Variants in PITRM1 observed in about 807,000 individuals in gnomAD.
The protein encoded by PITRM1 is pitrilysin metallopeptidase 1.
Under a neutral mutation model 129.9 loss-of-function variants are expected in PITRM1, and 100 were observed. The ratio of observed to expected loss-of-function variants is 0.77; its 90% CI spans 0.65 to 0.91. The LOEUF (loss-of-function observed/expected upper bound fraction) is 0.91, where lower values mean the gene tolerates loss of function less well. Ranked by LOEUF, PITRM1 falls within the 40% of genes least tolerant of loss-of-function variation. The pLI, the probability that PITRM1 is intolerant of heterozygous loss-of-function variation, is 0.00. For synonymous variants in PITRM1, 591 were observed against 508.8 expected (o/e 1.16, Z -2.17); for missense variants, 1,471 against 1,318.3 (o/e 1.12, Z -1.79).
chr10:3,145,997 A>G (rs1189029488), intron 20 of PITRM1: 4 of 401,362 alleles, frequency 1.0e-5, no homozygotes, highest in Non-Finnish European at 1.8e-5. Context: ...AAGAAAATAC[A>G]GAGACTATTA....
Position 3,170,084 on chromosome 10 carries a change from G to T in PITRM1, c.159+20C>A. 6.4e-7 allele frequency: 1 copy of T among 1,552,350 alleles called. No homozygotes were observed. The highest frequency in any genetic ancestry group is 1.1e-5 in the South Asian group (1 of 89,854). ...GCAATGTATGTGGATTTATAAGGAGGTGCCGAGGACGACCCATACCTGGTT... is the reference window on the plus strand; with the variant it reads ...GCAATGTATGTGGATTTATAAGGAGTTGCCGAGGACGACCCATACCTGGTT... On this transcript the variant is annotated intron_variant, in intron 2 of 26. Transcript: ENST00000224949.
At chr10:3,169,347 C>A (rs1186801104) in intron 2 of PITRM1, among the ~76,000 whole-genome samples, 1 of 152,160 alleles carries the variant, frequency 6.6e-6, no homozygotes, top group African/African-American at 2.4e-5. Context: ...CTCACACCAC[C>A]CTCTCCAGGA....
At chr10:3,140,609 G>A in intron 24 of PITRM1, 78 bp downstream of exon 24, 11 of 1,354,832 alleles carry the variant, frequency 8.1e-6, no homozygotes, top group Non-Finnish European at 1.1e-5. Flanking sequence ...TGCAGTAGAA[G>A]AAAATGACAC....
At chr10:3,141,637 GCAGA>G (rs765605004) in intron 23 of PITRM1, 1 of 469,942 alleles carries the variant, frequency 2.1e-6, no homozygotes, top group Admixed American at 2.4e-5. Context: ...AGAAGGCGGG[GCAGA>G]CAATGATGGG....
intron 20 of PITRM1, chr10:3,145,921 T>A: frequency 1.8e-6 from 1 of 557,934 alleles, no homozygotes; most frequent in South Asian, 2.1e-5. Flanking sequence ...CAGTTCAATG[T>A]GGCAGCTAAT....
In PITRM1 at chr10:3,172,746, GC is replaced by G; in HGVS notation, c.26del (p.Gly9AlafsTer5). 10 of 1,545,598 alleles carry G rather than the reference GC, an allele frequency of 6.5e-6. No individual in the cohort carries two copies. The highest frequency in any genetic ancestry group is 8.7e-6 in the Non-Finnish European group (10 of 1,145,302). On this transcript the variant is annotated frameshift_variant, in exon 1 of 27. Transcript: ENST00000224949. LOFTEE classifies it high-confidence loss of function. MWRCGGRQ[G>X]LCVLRRLSGG... is the part of the protein sequence containing the mutation. Reference sequence around the variant, plus strand: ...CGCTCAGCCGCCTCAGCACACACAGGCCCTGCCGCCCGCCGCAGCGCCACAT... The same window carrying G: ...CGCTCAGCCGCCTCAGCACACACAGGCCTGCCGCCCGCCGCAGCGCCACAT...
chr10:3,166,609 C>A (rs568487881), intron 3 of PITRM1, among the ~76,000 whole-genome samples: 2 of 152,224 alleles, frequency 1.3e-5, no homozygotes, highest in South Asian at 4.2e-4. Context: ...GATGCTCTGT[C>A]AATAAAAATA....
At chr10:3,139,623 A>G (rs1249994029) in intron 24 of PITRM1, among the ~76,000 whole-genome samples, 2 of 152,314 alleles carry the variant, frequency 1.3e-5, no homozygotes, top group Middle Eastern at 3.4e-3. Context: ...CAGAGTGGCA[A>G]TGGCTACCTA....
chr10:3,170,959 G>A (rs897847893), intron 1 of PITRM1, among the ~76,000 whole-genome samples: 3 of 143,870 alleles, frequency 2.1e-5, no homozygotes, highest in Admixed American at 7.8e-5. Context: ...CAAGACTGTC[G>A]GAAAAAAAAG....
At chr10:3,153,359 G>T (rs1270795298) in intron 14 of PITRM1, among the ~76,000 whole-genome samples, 1 of 152,184 alleles carries the variant, frequency 6.6e-6, no homozygotes, top group Non-Finnish European at 1.5e-5. Flanking sequence ...ATTAAAAGCG[G>T]GAAGATTGGA....
Position 3,138,952 on chromosome 10 carries a change from G to A in PITRM1, c.2869C>T (p.Leu957Phe). ...FTQQDIDEAK[L>F]SVFSTVDAPV... ...GCATCTACGGTTGAGAAGACAGAAA[G>A]TTTGGCTTCGTCGATGTCTTGCTGT... is the stretch of plus-strand genomic sequence containing the variant. The change falls in exon 25 of 27, where the codon CTT becomes TTT. Residue 957 changes from leucine (L) to phenylalanine (F), a missense_variant. By Grantham distance (22) the Leu-to-Phe change is conservative. Coordinates refer to ENST00000224949, the MANE Select transcript of PITRM1 (RefSeq NM_014889.4). The A allele has an allele frequency of 6.2e-7, 1 of 1,613,940 alleles. No homozygotes were observed. Among genetic ancestry groups the A allele is most frequent in the Non-Finnish European group, 8.5e-7 (1 of 1,179,806 alleles).
At chr10:3,161,007 C>T (rs542299793) in intron 7 of PITRM1, among the ~76,000 whole-genome samples, 79 of 152,180 alleles carry the variant, frequency 5.2e-4, no homozygotes, top group Non-Finnish European at 7.8e-4. Context: ...GTGATCCACC[C>T]GTCTCAGCCT....
chr10:3,155,532 A>G (rs1398269194), intron 14 of PITRM1, 59 bp downstream of exon 14: 4 of 1,598,888 alleles, frequency 2.5e-6, no homozygotes, highest in African/African-American at 1.3e-5. Context: ...ACTCACTAAC[A>G]AGTCCACTAG....
At chr10:3,168,684 C>T (rs1843085928) in intron 2 of PITRM1, among the ~76,000 whole-genome samples, 1 of 152,154 alleles carries the variant, frequency 6.6e-6, no homozygotes, top group Admixed American at 6.5e-5. Context: ...CTCATTCTCT[C>T]CCCTGCCGCC....
At chr10:3,147,811 T>C in intron 18 of PITRM1, 74 bp from the exon 19 acceptor site, 1 of 1,405,432 alleles carries the variant, frequency 7.1e-7, no homozygotes, top group Non-Finnish European at 9.7e-7. Flanking sequence ...GAAAGTTGAT[T>C]AAGTTTTCAG....
intron 25 of PITRM1, 152 bp downstream of exon 25, chr10:3,138,750 CGT>C (rs1564378648): frequency 1.2e-6 from 1 of 815,754 alleles, no homozygotes; most frequent in Non-Finnish European, 2.2e-6. Flanking sequence ...TGTCAGGAAG[CGT>C]GTTTAGGGTG....
Position 3,160,196 on chromosome 10 carries a change from G to A in PITRM1, c.918+8C>T, listed in dbSNP as rs766201147. ...CCAGGAAGGACACAAACACGGTGGG[G>A]CACTCACAGGCTTGTCCCAGGGTGT... On this transcript the variant is annotated splice_region_variant and intron_variant, in intron 8 of 26. Coordinates refer to ENST00000224949, the MANE Select transcript of PITRM1 (RefSeq NM_014889.4). The A allele has an allele frequency of 1.9e-6, 3 of 1,613,404 alleles. No individual in the cohort carries two copies. Among genetic ancestry groups the A allele is most frequent in the East Asian group, 2.2e-5 (1 of 44,872 alleles).
intron 14 of PITRM1, among the ~76,000 whole-genome samples, chr10:3,154,835 C>T (rs571204600): frequency 1.3e-5 from 2 of 152,206 alleles, no homozygotes; most frequent in South Asian, 2.1e-4. Flanking sequence ...CTTCGTTCCA[C>T]CCGGCTGCTC....
rs545430512 is a variant in PITRM1, at chr10:3,153,630, CA to C, written c.1621+1960del. Among the ~76,000 whole-genome samples, 132 of 151,408 alleles carry C rather than the reference CA, an allele frequency of 8.7e-4. 1 individual carries two copies. Among genetic ancestry groups the C allele is most frequent in the African/African-American group, 3.1e-3 (129 of 41,304 alleles). ...CGAGACTCCGTCTCAAAAAAAAAAC[CA>C]AAAAAACAACAAAAAAAAACCAGTT... On this transcript the variant is annotated intron_variant, in intron 14 of 26. Transcript: ENST00000224949.
Sources: allele counts gnomAD v4.1 joint callset (sites outside exome capture counted in the v4.1 genomes callset), GRCh38; gene constraint gnomAD v4.1.1; transcripts MANE v1.5; gene names NCBI Gene and HGNC (gene_info 2026-07-23, HGNC 2026-07-21).